The following RPS6KA5 variants were observed in gnomAD, a reference collection of about 807,000 sequenced individuals.
RPS6KA5 encodes the protein ribosomal protein S6 kinase alpha-5.
Under a neutral mutation model 85.5 loss-of-function variants are expected in RPS6KA5, and 27 were observed. The ratio of observed to expected loss-of-function variants is 0.32; its 90% CI spans 0.23 to 0.44. The LOEUF is 0.44. Among genes scored for constraint, RPS6KA5 ranks in the 20% least tolerant of loss-of-function variants. RPS6KA5 has a pLI of 1.00. For synonymous variants in RPS6KA5, 334 were observed against 348.2 expected, an observed-to-expected ratio of 0.96 and a Z score of 0.46; for missense variants, 811 against 980.9, an observed-to-expected ratio of 0.83 and a Z score of 2.31.
chr14:90,900,219 T>A lies in RPS6KA5; in HGVS notation c.1268A>T (p.Tyr423Phe), dbSNP rs141570904. 3.3e-4 allele frequency: 523 copies of A among 1,596,304 alleles called. 2 individuals carry two copies. The African/African-American group carries it at 6.2e-3, about 19-fold the overall frequency. ...GGGTTTGTCCTTCAAATCTAGGTCA[T>A]AGTGTTGATAGAATGGAGAGTCCTG... is the stretch of plus-strand genomic sequence containing the variant. ...MMKDSPFYQH[Y>F]DLDLKDKPLG... The change falls in exon 11 of 17, where the codon TAT becomes TTT. Residue 423 changes from tyrosine (Y) to phenylalanine (F), a missense_variant. Physicochemically the swap from Tyr to Phe is conservative, Grantham distance 22. Transcript: ENST00000614987.
intron 3 of RPS6KA5, among the ~76,000 whole-genome samples, chr14:90,968,783 T>C (rs1480411623): frequency 6.6e-6 from 1 of 152,240 alleles, no homozygotes; most frequent in Non-Finnish European, 1.5e-5. Flanking sequence ...GGGTTAGTTA[T>C]GCAGAAAAAG....
At chr14:91,045,701 T>C (rs962795464) in intron 1 of RPS6KA5, among the ~76,000 whole-genome samples, 22 of 152,236 alleles carry the variant, frequency 1.4e-4, no homozygotes, top group African/African-American at 5.3e-4. Flanking sequence ...ATATAATCTC[T>C]ATACCCACTC....
intron 14 of RPS6KA5, among the ~76,000 whole-genome samples, chr14:90,879,532 A>G (rs2033690054): frequency 6.6e-6 from 1 of 152,082 alleles, no homozygotes; most frequent in Admixed American, 6.5e-5. Context: ...TCTAGATTTT[A>G]TGGGTGCACG....
At chr14:91,014,828 A>G (rs2041416171) in intron 1 of RPS6KA5, among the ~76,000 whole-genome samples, 2 of 152,174 alleles carry the variant, frequency 1.3e-5, no homozygotes, top group African/African-American at 2.4e-5. Context: ...ATGTGATTTA[A>G]TAGCACATTA....
chr14:90,861,102 A>T lies in RPS6KA5; in HGVS notation c.*10972T>A, dbSNP rs145192411. 0.011 allele frequency: 1,680 copies of T among 151,630 alleles called. 22 individuals carry two copies. Among genetic ancestry groups the T allele is most frequent in the Middle Eastern group, 0.02 (6 of 296 alleles). 9.4% of individuals were successfully genotyped at this position (151,630 alleles called of 1,614,324 possible). On this transcript the variant is annotated 3_prime_UTR_variant, in exon 17 of 17. Coordinates refer to ENST00000614987, the MANE Select transcript of RPS6KA5 (RefSeq NM_004755.4). ...GAAACGGGGTTTCACCATGTTAGCC[A>T]GGCTGGTCTCGAACTCCTGACCTCA...
chr14:90,981,711 T>C (rs2140490522), intron 2 of RPS6KA5, among the ~76,000 whole-genome samples: 1 of 152,380 alleles, frequency 6.6e-6, no homozygotes, highest in East Asian at 1.9e-4. Flanking sequence ...TTGTTTTTAC[T>C]TTTATAATTG....
At chr14:91,001,893 G>A (rs551158629) in intron 1 of RPS6KA5, among the ~76,000 whole-genome samples, 1 of 152,262 alleles carries the variant, frequency 6.6e-6, no homozygotes, top group East Asian at 1.9e-4. Flanking sequence ...GAGTGCTTTG[G>A]TAGAATAAAT....
chr14:91,024,934 T>C (rs548355017), intron 1 of RPS6KA5, among the ~76,000 whole-genome samples: 2 of 152,190 alleles, frequency 1.3e-5, no homozygotes, highest in African/African-American at 4.8e-5. Context: ...CAGGCTGGAG[T>C]GCAGTGGTGT....
At chr14:90,894,941 C>T (rs56006679) in intron 12 of RPS6KA5, among the ~76,000 whole-genome samples, 7,272 of 152,210 alleles carry the variant, frequency 0.048, 229 homozygotes, top group East Asian at 0.14. Context: ...TCAGGCCTCC[C>T]GATGAGCTGG....
chr14:91,008,012 C>T (rs2140625802), intron 1 of RPS6KA5, among the ~76,000 whole-genome samples: 1 of 152,286 alleles, frequency 6.6e-6, no homozygotes, highest in South Asian at 2.1e-4. Flanking sequence ...ACTTTCTAAG[C>T]AATGCTATTG....
chr14:90,937,852 T>C (rs2037356949), intron 5 of RPS6KA5, among the ~76,000 whole-genome samples: 1 of 152,130 alleles, frequency 6.6e-6, no homozygotes, highest in African/African-American at 2.4e-5. Context: ...TCCCACAACA[T>C]GCGGGAATTC....
chr14:91,022,902 T>C (rs1389239020), intron 1 of RPS6KA5, among the ~76,000 whole-genome samples: 3 of 152,000 alleles, frequency 2.0e-5, no homozygotes, highest in Non-Finnish European at 4.4e-5. Flanking sequence ...TTAGCCAGCA[T>C]GGTGAAACCC....
At chr14:90,890,935 T>G (rs2034515959) in intron 13 of RPS6KA5, among the ~76,000 whole-genome samples, 1 of 152,010 alleles carries the variant, frequency 6.6e-6, no homozygotes, top group Non-Finnish European at 1.5e-5. Context: ...TTTTCTAAGC[T>G]TTTCCCTCTG....
chr14:90,983,499 C>T lies in RPS6KA5; in HGVS notation c.176-4975G>A, dbSNP rs2039898282. ...CCTGTGGTCCCAGCTACTTAGGAGG[C>T]TTAAGTGGGAGAATTGCTGGAACCC... On this transcript the variant is annotated intron_variant, in intron 2 of 16. Coordinates refer to ENST00000614987, the MANE Select transcript of RPS6KA5 (RefSeq NM_004755.4). Among the ~76,000 whole-genome samples the T allele has an allele frequency of 2.6e-5, 4 of 151,436 alleles. No homozygotes were observed. In the South Asian group the frequency reaches 8.4e-4, roughly 32 times the overall value.
At chr14:91,030,554 C>A (rs1260146916) in intron 1 of RPS6KA5, among the ~76,000 whole-genome samples, 2 of 120,874 alleles carry the variant, frequency 1.7e-5, no homozygotes, top group Admixed American at 1.1e-4. Flanking sequence ...CATTAACAGT[C>A]AAGGATCACC....
At position 90,857,426 on chromosome 14, in the gene RPS6KA5, ATTC is replaced by A. The variant is rs1320583898; in HGVS notation, c.*14645_*14647del. On this transcript the variant is annotated 3_prime_UTR_variant, in exon 17 of 17. Coordinates refer to ENST00000614987, the MANE Select transcript of RPS6KA5 (RefSeq NM_004755.4). ...TAAAATGGGAAACCACAGTAGGATG[ATTC>A]TTCATCAGATTTCATGTCGATATTC... is the stretch of plus-strand genomic sequence containing the variant. The A allele has an allele frequency of 6.6e-6, 1 of 152,210 alleles. No individual in the cohort carries two copies. Among genetic ancestry groups the A allele is most frequent in the Admixed American group, 6.5e-5 (1 of 15,276 alleles). The allele number at this position is 152,210 out of a possible 1,614,324, so 9.4% of individuals were successfully genotyped here.
In RPS6KA5 at chr14:90,978,367, C is replaced by T. The variant is rs776228610; in HGVS notation, c.333G>A (p.Ser111=). The T allele has an allele frequency of 7.4e-6, 12 of 1,612,868 alleles. No homozygotes were observed. Among genetic ancestry groups the T allele is most frequent in the Non-Finnish European group, 8.5e-6 (10 of 1,179,528 alleles). The change falls in exon 3 of 17, where the codon TCG becomes TCA. Residue 111 remains serine, a synonymous_variant. Transcript: ENST00000614987. ...ERQVLEHIRQ[S]PFLVTLHYAF... ...CATAATGTAATGTTACCAAAAATGG[C>T]GACTGCCTAATGTGTTCCAGGACTT... is the stretch of plus-strand genomic sequence containing the variant.
At position 90,917,127 on chromosome 14, in the gene RPS6KA5, C is replaced by A. The variant is rs374225990; in HGVS notation, c.806+3079G>T. Among the ~76,000 whole-genome samples the A allele has an allele frequency of 9.9e-5, 15 of 152,184 alleles. No homozygotes were observed. In the South Asian group the frequency reaches 1.7e-3, roughly 17 times the overall value. On this transcript the variant is annotated intron_variant, in intron 7 of 16. Coordinates refer to ENST00000614987, the MANE Select transcript of RPS6KA5 (RefSeq NM_004755.4). ...TACAACTGGACCCAAATTCTCAGGA[C>A]GGTGGCCACAGTTTCCTATAGTCTG... is the stretch of plus-strand genomic sequence containing the variant.
At chr14:91,049,405 G>A (rs559231399) in intron 1 of RPS6KA5, among the ~76,000 whole-genome samples, 5 of 152,194 alleles carry the variant, frequency 3.3e-5, no homozygotes, top group Admixed American at 3.3e-4. Flanking sequence ...ACAAGGTCAG[G>A]AGATTGAGAC....
Sources: gnomAD v4.1 joint callset for allele counts (sites outside exome capture counted in the v4.1 genomes callset) on GRCh38, gnomAD v4.1.1 for gene constraint, MANE v1.5 for transcripts, NCBI Gene and HGNC (gene_info 2026-07-23, HGNC 2026-07-21) for gene names.